The following CFAP46 variants were observed in gnomAD, a reference collection of about 807,000 sequenced individuals.
CFAP46 encodes cilia- and flagella-associated protein 46.
A neutral mutation model predicts 325.7 loss-of-function variants in CFAP46; 245 were observed. The ratio of observed to expected loss-of-function variants is 0.75; its 90% CI spans 0.68 to 0.84. The LOEUF (loss-of-function observed/expected upper bound fraction) is 0.84. Among genes scored for constraint, CFAP46 ranks in the 40% least tolerant of loss-of-function variants. CFAP46 has a pLI of 0.00. For missense variants in CFAP46, 3,346 were observed against 3,543.0 expected (o/e 0.94, Z 1.41); for synonymous variants, 1,523 against 1,495.9 (o/e 1.02, Z -0.42).
chr10:132,934,879 GA>G lies in CFAP46; in HGVS notation c.756-18del. On this transcript the variant is annotated intron_variant, in intron 7 of 57. Coordinates refer to ENST00000368586, the MANE Select transcript of CFAP46 (RefSeq NM_001200049.3). The stretch of plus-strand genomic sequence containing the variant: ...TCCGCTTTTCTAGAAATAATTCAGA[GA>G]GTAATTCAGCACAAGATCCTGTCAG... The G allele has an allele frequency of 7.1e-7, 1 of 1,412,430 alleles. No individual in the cohort carries two copies. 87.5% of individuals were successfully genotyped at this position (1,412,430 alleles called of 1,614,324 possible).
intron 44 of CFAP46, among the ~76,000 whole-genome samples, chr10:132,842,027 T>C (rs1848353767): frequency 6.6e-6 from 1 of 152,224 alleles, no homozygotes; most frequent in Non-Finnish European, 1.5e-5. Flanking sequence ...GAGCCTTGGC[T>C]CCTCTCCTGG....
intron 25 of CFAP46, among the ~76,000 whole-genome samples, chr10:132,887,008 C>CAA (rs1339546381): frequency 6.6e-6 from 1 of 151,734 alleles, no homozygotes; most frequent in Non-Finnish European, 1.5e-5. Flanking sequence ...CTCTCTCTCT[C>CAA]GCCTCTCTCT....
chr10:132,887,269 CCTCTCCT>C lies in CFAP46; in HGVS notation c.3305-1317_3305-1311del, dbSNP rs1343860942. ...TCTCTCCTCTCTCGCTTCTCTCTCTCCTCTCCTCTCTCCTCCCCTCTTCTTTCCTCTC... is the reference window on the plus strand; with the variant it reads ...TCTCTCCTCTCTCGCTTCTCTCTCTCCTCTCCTCCCCTCTTCTTTCCTCTC... On this transcript the variant is annotated intron_variant, in intron 25 of 57. Transcript: ENST00000368586. Among the ~76,000 whole-genome samples the C allele has an allele frequency of 4.4e-5, 5 of 113,916 alleles. No homozygotes were observed. The East Asian group carries it at 1.1e-3, about 26-fold the overall frequency. 74.7% of individuals were successfully genotyped at this position (113,916 alleles called of 152,430 possible). A position where few individuals can be genotyped will look rare whatever the true frequency, so the allele number is the denominator to read the frequency against.
chr10:132,829,261 G>A (rs539622509), intron 50 of CFAP46, among the ~76,000 whole-genome samples: 25 of 152,230 alleles, frequency 1.6e-4, no homozygotes, highest in South Asian at 8.3e-4. Context: ...TAGTATGAGC[G>A]TATAAAGTCT....
intron 21 of CFAP46, 39 bp downstream of exon 21, chr10:132,909,098 C>G (rs1349889285): frequency 7.5e-6 from 11 of 1,475,634 alleles, no homozygotes; most frequent in South Asian, 1.2e-5. Flanking sequence ...GTCCTCGCCT[C>G]TTGGCCCCTG....
chr10:132,900,623 C>T (rs895235245), intron 22 of CFAP46, among the ~76,000 whole-genome samples: 2 of 152,266 alleles, frequency 1.3e-5, no homozygotes, highest in Admixed American at 1.3e-4. Flanking sequence ...CATGGGCCTG[C>T]AGTGCCCAAT....
intron 34 of CFAP46, among the ~76,000 whole-genome samples, chr10:132,866,748 A>AG (rs1408092456): frequency 6.6e-6 from 1 of 152,222 alleles, no homozygotes; most frequent in Non-Finnish European, 1.5e-5. Flanking sequence ...CCTGACTGCC[A>AG]GGTCACAGGA....
At chr10:132,833,080 C>T (rs1268747220) in intron 50 of CFAP46, among the ~76,000 whole-genome samples, 1 of 151,998 alleles carries the variant, frequency 6.6e-6, no homozygotes. Flanking sequence ...TCAAACCATC[C>T]TCCCACCTCC....
At position 132,808,864 on chromosome 10, in the gene CFAP46, G is replaced by T. The variant is rs1565029335; in HGVS notation, c.7705C>A (p.Pro2569Thr). The change falls in exon 58 of 58, where the codon CCA (proline) becomes ACA (threonine). Residue 2569 changes from proline to threonine, a missense_variant. Pro to Thr is a conservative substitution (Grantham distance 38, BLOSUM62 -1). Transcript: ENST00000368586. This position sits in a 1 kb window ranked among gnomAD's most constrained non-coding sequence, Gnocchi z 6.8. ...SDLEGQAAAA[P>T]KLRAPSHHAQ... ...TGGTGGGAAGGAGCTCGGAGCTTTG[G>T]AGCAGCAGCAGCTTGTCCTTCAAGG... 1 of 1,600,618 alleles carries T rather than the reference G, an allele frequency of 6.2e-7. No homozygotes were observed. The highest frequency in any genetic ancestry group is 8.5e-7 in the Non-Finnish European group (1 of 1,170,434).
rs2098694581 is a variant in CFAP46, at chr10:132,835,301, C to T, written c.6744+3G>A. ...GGGTGGCTTGGAGCCTGGAGGGCCT[C>T]ACCGAGCCTATGTTCAGGGCCATGT... On this transcript the variant is annotated splice_donor_region_variant and intron_variant, in intron 47 of 57. Transcript: ENST00000368586. 3 of 1,612,286 alleles carry T rather than the reference C, an allele frequency of 1.9e-6. No homozygotes were observed. The highest frequency in any genetic ancestry group is 1.3e-5 in the African/African-American group (1 of 75,062).
In CFAP46 at chr10:132,850,347, T is replaced by C. The variant is rs1289476907; in HGVS notation, c.5849A>G (p.Glu1950Gly). 5 of 1,560,510 alleles carry C rather than the reference T, an allele frequency of 3.2e-6. No individual in the cohort carries two copies. The highest frequency in any genetic ancestry group is 3.5e-6 in the Non-Finnish European group (4 of 1,152,278). ...CAGGCCCAGGAGCCGGGCGCGGATC[T>C]CCACACAGCCCACGCTCAGCGGCTG... ...SLQPLSVGCV[E>G]IRARLLGLAG... The change falls in exon 41 of 58, where the codon GAG (glutamate) becomes GGG (glycine). Residue 1950 changes from glutamate (E) to glycine (G), a missense_variant. Glu to Gly is a moderately conservative substitution (Grantham distance 98, BLOSUM62 -2). Transcript: ENST00000368586.
chr10:132,877,869 C>A lies in CFAP46; in HGVS notation c.4212+12G>T. On this transcript the variant is annotated intron_variant, in intron 30 of 57. Coordinates refer to ENST00000368586, the MANE Select transcript of CFAP46 (RefSeq NM_001200049.3). This position sits in a 1 kb window ranked among gnomAD's most constrained non-coding sequence, Gnocchi z 5.7. ...GGGCCCGGCCTCTGCACCGTGGCCA[C>A]TTGGGCATCACCTGCTTGGGCTCCT... 2 of 1,549,118 alleles carry A rather than the reference C, an allele frequency of 1.3e-6. No homozygotes were observed. The highest frequency in any genetic ancestry group is 1.7e-6 in the Non-Finnish European group (2 of 1,146,960).
chr10:132,825,323 T>C (rs968727319), intron 50 of CFAP46, among the ~76,000 whole-genome samples: 2 of 152,076 alleles, frequency 1.3e-5, no homozygotes, highest in Non-Finnish European at 2.9e-5. Context: ...CCGTGTGCAC[T>C]GATGTGTGCT....
At position 132,913,379 on chromosome 10, in the gene CFAP46, G is replaced by A; in HGVS notation, c.2121-121C>T. 16 of 580,484 alleles carry A rather than the reference G, an allele frequency of 2.8e-5. 6 individuals carry two copies. Among genetic ancestry groups the A allele is most frequent in the Non-Finnish European group, 4.5e-5 (15 of 332,538 alleles). 36.0% of individuals were successfully genotyped at this position (580,484 alleles called of 1,614,324 possible). ...AGGGCAAGAAGTGGGAGGGGCGGGT[G>A]GGCGGCGACCAAACTCCATCTGCAT... On this transcript the variant is annotated intron_variant, in intron 17 of 57. Transcript: ENST00000368586.
intron 55 of CFAP46, among the ~76,000 whole-genome samples, chr10:132,812,124 C>T (rs943395213): frequency 1.3e-5 from 2 of 152,326 alleles, no homozygotes; most frequent in South Asian, 2.1e-4. Context: ...CTCCTGACCA[C>T]TCGCCCTGCG....
At chr10:132,911,634 A>C (rs1469385087) in intron 19 of CFAP46, among the ~76,000 whole-genome samples, 5 of 152,150 alleles carry the variant, frequency 3.3e-5, no homozygotes, top group Non-Finnish European at 4.4e-5. Flanking sequence ...CTCATCAAAC[A>C]CTTCTGCAGC....
At chr10:132,910,256 G>A (rs757768513) in intron 19 of CFAP46, among the ~76,000 whole-genome samples, 188 bp from the exon 20 acceptor site, 224 of 152,320 alleles carry the variant, frequency 1.5e-3, no homozygotes, top group Middle Eastern at 0.01. Flanking sequence ...ACCCCCAGAC[G>A]CCGAGGACGC....
intron 31 of CFAP46, 127 bp from the exon 32 acceptor site, chr10:132,872,951 G>A (rs1425077079): frequency 4.8e-6 from 5 of 1,042,094 alleles, no homozygotes; most frequent in Non-Finnish European, 7.0e-6. Context: ...CAGGTGCTCA[G>A]CGCGTGTCCG....
At chr10:132,915,935 TA>T (rs1038103353) in intron 17 of CFAP46, among the ~76,000 whole-genome samples, 32 of 152,278 alleles carry the variant, frequency 2.1e-4, no homozygotes, top group African/African-American at 7.0e-4. Context: ...AAAAATAAGT[TA>T]AAAATATTTA....
Sources: allele counts gnomAD v4.1 joint callset (sites outside exome capture counted in the v4.1 genomes callset), GRCh38; gene constraint gnomAD v4.1.1; non-coding constraint Gnocchi (gnomAD v3.1); transcripts MANE v1.5; gene names NCBI Gene and HGNC (gene_info 2026-07-23, HGNC 2026-07-21).